The following DYNC1H1 variants were observed in gnomAD, a reference collection of about 807,000 sequenced individuals.
The protein encoded by DYNC1H1 is dynein cytoplasmic 1 heavy chain 1.
In DYNC1H1, 51 loss-of-function variants were observed where a neutral mutation model predicts 527.1. The ratio of observed to expected loss-of-function variants is 0.10; its 90% CI spans 0.08 to 0.12. The LOEUF is 0.12. Ranked by LOEUF, DYNC1H1 falls within the 10% of genes least tolerant of loss-of-function variation. The probability of loss-of-function intolerance (pLI) is 1.00; values close to 1 mark genes in which losing one functional copy is unlikely to be tolerated. For synonymous variants in DYNC1H1, 2,189 were observed against 2,278.8 expected, an observed-to-expected ratio of 0.96 and a Z score of 1.12; for missense variants, 2,771 against 5,971.8, an observed-to-expected ratio of 0.46 and a Z score of 17.66.
intron 50 of DYNC1H1, 107 bp from the exon 51 acceptor site, chr14:102,030,055 A>G: frequency 1.9e-6 from 3 of 1,561,050 alleles, no homozygotes; most frequent in East Asian, 2.4e-5. Context: ...GGAGGGAGAG[A>G]GAGTGTGTGT....
At position 101,990,695 on chromosome 14, in the gene DYNC1H1, C is replaced by T. The variant is rs138305958; in HGVS notation, c.2869-832C>T. ...TTTGAGACCAGCCTGGGCAACATGA[C>T]GAAACCCCATCTCTATAAAAAGTAC... is the stretch of plus-strand genomic sequence containing the variant. On this transcript the variant is annotated intron_variant, in intron 10 of 77. Coordinates refer to ENST00000360184, the MANE Select transcript of DYNC1H1 (RefSeq NM_001376.5). Among the ~76,000 whole-genome samples the T allele has an allele frequency of 1.5e-3, 234 of 151,746 alleles. 1 individual carries two copies. Among genetic ancestry groups the T allele is most frequent in the African/African-American group, 5.5e-3 (226 of 41,362 alleles).
chr14:102,047,059 T>A (rs71415871), intron 72 of DYNC1H1, among the ~76,000 whole-genome samples: 9,466 of 141,306 alleles, frequency 0.067, 340 homozygotes, highest in South Asian at 0.13. Flanking sequence ...CCTCCCACAG[T>A]GCTGGGACTG....
chr14:101,987,590 C>T lies in DYNC1H1; in HGVS notation c.2676C>T (p.Ser892=), dbSNP rs767328943. The T allele has an allele frequency of 6.2e-6, 10 of 1,614,198 alleles. No homozygotes were observed. Among genetic ancestry groups the T allele is most frequent in the Non-Finnish European group, 8.5e-6 (10 of 1,180,034 alleles). ...QKAVDDLNLH[S]YSNLPIWVNK... ...CAGTGGATGACTTAAATCTGCACTCCTATTCCAATTTGCCCATCTGGGTCA... is the reference window on the plus strand; with the variant it reads ...CAGTGGATGACTTAAATCTGCACTCTTATTCCAATTTGCCCATCTGGGTCA... Residue 892 remains serine, a synonymous_variant, in exon 9 of 78, where the codon TCC becomes TCT. Coordinates refer to ENST00000360184, the MANE Select transcript of DYNC1H1 (RefSeq NM_001376.5).
chr14:101,984,932 CAAA>C (rs773102943), intron 7 of DYNC1H1, among the ~76,000 whole-genome samples: 26 of 40,162 alleles, frequency 6.5e-4, no homozygotes, highest in East Asian at 6.1e-3. Context: ...GGCTCCGTCT[CAAA>C]AAAAAAAAAA....
chr14:102,050,305 G>A, intron 77 of DYNC1H1, 107 bp downstream of exon 77: 1 of 1,610,396 alleles, frequency 6.2e-7, no homozygotes, highest in Non-Finnish European at 8.5e-7. Context: ...CGGGAAATGA[G>A]GTTCACAGAG....
chr14:101,980,947 A>G (rs145097121), intron 5 of DYNC1H1, among the ~76,000 whole-genome samples: 5 of 152,328 alleles, frequency 3.3e-5, no homozygotes, highest in African/African-American at 1.2e-4. Context: ...GGGTTGTGGA[A>G]AAAGAACTGG....
At position 102,017,577 on chromosome 14, in the gene DYNC1H1, A is replaced by G; in HGVS notation, c.8177+73A>G. On this transcript the variant is annotated intron_variant, in intron 40 of 77. Coordinates refer to ENST00000360184, the MANE Select transcript of DYNC1H1 (RefSeq NM_001376.5). This position sits in a 1 kb window ranked among gnomAD's most constrained non-coding sequence, Gnocchi z 4.6. ...GGATTGCTGTAAACACAGCGCCACA[A>G]AAACCTGGTTTTGATAATAAAGACA... is the stretch of plus-strand genomic sequence containing the variant. 6.2e-7 allele frequency: 1 copy of G among 1,613,430 alleles called. No individual in the cohort carries two copies. The highest frequency in any genetic ancestry group is 8.5e-7 in the Non-Finnish European group (1 of 1,179,476).
intron 28 of DYNC1H1, 90 bp from the exon 29 acceptor site, chr14:102,008,088 G>T: frequency 6.3e-7 from 1 of 1,576,072 alleles, no homozygotes; most frequent in Non-Finnish European, 8.7e-7. Context: ...TAGGGTTAGG[G>T]CATCAACATA....
At chr14:102,000,520 C>T (rs956098712) in intron 18 of DYNC1H1, 121 bp downstream of exon 18, 2 of 892,092 alleles carry the variant, frequency 2.2e-6, no homozygotes, top group Non-Finnish European at 3.6e-6. Context: ...ATTTAATGTC[C>T]TGCATGTCAT....
intron 12 of DYNC1H1, 105 bp from the exon 13 acceptor site, chr14:101,994,566 AGT>A (rs2048036305): frequency 6.9e-6 from 10 of 1,450,678 alleles, no homozygotes; most frequent in African/African-American, 1.4e-5. Context: ...TTTCTCTAAT[AGT>A]GGTGAAAGAC....
Position 102,020,118 on chromosome 14 carries a change from C to T in DYNC1H1, c.8507+62C>T, listed in dbSNP as rs182387126. The T allele has an allele frequency of 9.0e-5, 144 of 1,592,932 alleles. No homozygotes were observed. The East Asian group carries it at 2.4e-3, about 27-fold the overall frequency. On this transcript the variant is annotated intron_variant, in intron 42 of 77. Transcript: ENST00000360184. The surrounding 1 kb of genome is among the most constrained non-coding windows in gnomAD (Gnocchi z 4.3). ...CCCTGCTCTGAGTTCTTACAGCTGTCGAAGCTGGGGTCTTTGCAGGGGTGG... is the reference window on the plus strand; with the variant it reads ...CCCTGCTCTGAGTTCTTACAGCTGTTGAAGCTGGGGTCTTTGCAGGGGTGG...
intron 43 of DYNC1H1, among the ~76,000 whole-genome samples, chr14:102,025,452 C>G (rs2048437974): frequency 6.7e-6 from 1 of 150,172 alleles, no homozygotes. Context: ...CCTATAGTCC[C>G]AGCTACTTGA....
rs892276941 is a variant in DYNC1H1 at position 102,042,737 on chromosome 14, C to T, written c.12502C>T (p.Arg4168Trp). 2.5e-6 allele frequency: 4 copies of T among 1,614,190 alleles called. No individual in the cohort carries two copies. Among genetic ancestry groups the T allele is most frequent in the African/African-American group, 1.3e-5 (1 of 75,054 alleles). ...GACGTTCAGCAGCATTCCCGTCTCA[C>T]GGATATGCAAGGTAAGTACCTTGTC... is the stretch of plus-strand genomic sequence containing the variant. ...LRTFSSIPVS[R>W]ICKSPNERAR... The change falls in exon 69 of 78, where the codon CGG becomes TGG. Residue 4168 changes from arginine (R) to tryptophan (W), a missense_variant. Physicochemically the swap from Arg to Trp is moderately radical, Grantham distance 101 (BLOSUM62 -3). Coordinates refer to ENST00000360184, the MANE Select transcript of DYNC1H1 (RefSeq NM_001376.5). The surrounding 1 kb of genome is among the most constrained non-coding windows in gnomAD (Gnocchi z 5.7).
Position 102,030,151 on chromosome 14 carries a change from C to T in DYNC1H1, c.9763-11C>T, listed in dbSNP as rs2048494745. 1 of 1,614,098 alleles carries T rather than the reference C, an allele frequency of 6.2e-7. No individual in the cohort carries two copies. The stretch of plus-strand genomic sequence containing the variant: ...TGCTTAACCCATACCTAAGCCATCC[C>T]TCCTTTCTAGGTTATGAGCCAAGAA... On this transcript the variant is annotated splice_polypyrimidine_tract_variant and intron_variant, in intron 50 of 77. Coordinates refer to ENST00000360184, the MANE Select transcript of DYNC1H1 (RefSeq NM_001376.5).
In DYNC1H1 at chr14:102,001,823, G is replaced by C; in HGVS notation, c.4542+142G>C. On this transcript the variant is annotated intron_variant, in intron 21 of 77. Transcript: ENST00000360184. This position sits in a 1 kb window ranked among gnomAD's most constrained non-coding sequence, Gnocchi z 5.0. ...GTCTCACTCTGTCTCCCACGCTGGA[G>C]TGCAGTGGCACCATCACAGCTCACT... 8.4e-7 allele frequency: 1 copy of C among 1,197,280 alleles called. No individual in the cohort carries two copies. The highest frequency in any genetic ancestry group is 1.2e-6 in the Non-Finnish European group (1 of 844,270). The allele number at this position is 1,197,280 out of a possible 1,614,324, so 74.2% of individuals were successfully genotyped here. A position where few individuals can be genotyped will look rare whatever the true frequency, so the allele number is the denominator to read the frequency against.
chr14:102,032,453 T>C lies in DYNC1H1; in HGVS notation c.10065T>C (p.Ser3355=), dbSNP rs80096622. The C allele has an allele frequency of 1.5e-3, 2,411 of 1,614,134 alleles. 3 individuals carry two copies. The highest frequency in any genetic ancestry group is 1.8e-3 in the Non-Finnish European group (2,077 of 1,180,038). ...TCATCCCCACCATCGTCAACTTCTC[T>C]GCAGAGGAGATCAGGTGAGAAAGTG... ...ENFIPTIVNF[S]AEEISDAIRE... The change falls in exon 52 of 78, where the codon TCT becomes TCC. Residue 3355 remains serine (S), a synonymous_variant. Coordinates refer to ENST00000360184, the MANE Select transcript of DYNC1H1 (RefSeq NM_001376.5).
At position 102,036,710 on chromosome 14, in the gene DYNC1H1, T is replaced by G; in HGVS notation, c.10908+68T>G. 1 of 1,600,038 alleles carries G rather than the reference T, an allele frequency of 6.2e-7. No homozygotes were observed. Among genetic ancestry groups the G allele is most frequent in the African/African-American group, 1.3e-5 (1 of 74,730 alleles). The stretch of plus-strand genomic sequence containing the variant: ...GTGAATTCCTTTTTGGGGGCTGCCT[T>G]TAGTTTTCAACTTTGTAAGACTTCA... On this transcript the variant is annotated intron_variant, in intron 57 of 77. Coordinates refer to ENST00000360184, the MANE Select transcript of DYNC1H1 (RefSeq NM_001376.5). The surrounding 1 kb of genome is among the most constrained non-coding windows in gnomAD (Gnocchi z 5.6).
Position 102,008,920 on chromosome 14 carries a change from G to A in DYNC1H1, c.5977+583G>A, listed in dbSNP as rs17541081. ...CTTCCTCAGCCAGCCAGATGCCCCC[G>A]TGCTCCCTTAGAGCTTGTGTGTTCC... On this transcript the variant is annotated intron_variant, in intron 29 of 77. Transcript: ENST00000360184. Among the ~76,000 whole-genome samples, 846 of 152,308 alleles carry A rather than the reference G, an allele frequency of 5.6e-3. 17 individuals are homozygous for A. The highest frequency in any genetic ancestry group is 0.037 in the East Asian group (190 of 5,190).
Position 102,042,541 on chromosome 14 carries a change from T to C in DYNC1H1, c.12399+34T>C. On this transcript the variant is annotated intron_variant, in intron 68 of 77. Coordinates refer to ENST00000360184, the MANE Select transcript of DYNC1H1 (RefSeq NM_001376.5). The surrounding 1 kb of genome is among the most constrained non-coding windows in gnomAD (Gnocchi z 5.7). ...TTGAAGGAGTGGAGACGTTGCAGGC[T>C]GGCCTGGCACTGTGCTGTCGGCACG... 6.2e-7 allele frequency: 1 copy of C among 1,614,014 alleles called. No individual in the cohort carries two copies. The highest frequency in any genetic ancestry group is 8.5e-7 in the Non-Finnish European group (1 of 1,179,948).
Sources: gnomAD v4.1 joint callset for allele counts (sites outside exome capture counted in the v4.1 genomes callset) on GRCh38, gnomAD v4.1.1 for gene constraint, Gnocchi (gnomAD v3.1) non-coding constraint, MANE v1.5 for transcripts, NCBI Gene and HGNC (gene_info 2026-07-23, HGNC 2026-07-21) for gene names.